Variants in ZNF721 observed in about 807,000 individuals in gnomAD.
The protein encoded by ZNF721 is zinc finger protein 721.
A neutral mutation model predicts 2.4 loss-of-function variants in ZNF721; 2 were observed. The ratio of observed to expected loss-of-function variants is 0.82; its 90% CI spans 0.34 to 2.58. ZNF721 has a LOEUF of 2.58. Among genes scored for constraint, ZNF721 ranks in the 30% most tolerant of loss-of-function variants. ZNF721 has a pLI of 0.11. For missense variants in ZNF721, 1,187 were observed against 1,085.5 expected, an observed-to-expected ratio of 1.09 and a Z score of -1.31; for synonymous variants, 398 against 381.8, an observed-to-expected ratio of 1.04 and a Z score of -0.50.
Position 441,924 on chromosome 4 carries a change from T to C in ZNF721, c.2543A>G (p.Gln848Arg). 1.2e-6 allele frequency: 2 copies of C among 1,613,908 alleles called. No homozygotes were observed. Among genetic ancestry groups the C allele is most frequent in the Non-Finnish European group, 1.7e-6 (2 of 1,179,932 alleles). Residue 848 changes from glutamine to arginine, a missense_variant, in exon 3 of 3, where the codon CAG becomes CGG. By Grantham distance (43) the Gln-to-Arg change is conservative (BLOSUM62 1). Coordinates refer to ENST00000511833, the MANE Select transcript of ZNF721 (RefSeq NM_133474.4). ...CCTATGTACATAAAGGATTGCTGAC[T>C]GTCTAAAGGCTTTGCCACATTCTTC... ...TCEECGKAFR[Q>R]SAILYVHRRI...
chr4:461,087 C>T (rs1553866009), intron 2 of ZNF721, among the ~76,000 whole-genome samples: 1 of 152,166 alleles, frequency 6.6e-6, no homozygotes, highest in African/African-American at 2.4e-5. Context: ...GGACTCCTCC[C>T]TAACTCATTT....
At chr4:459,686 C>T (rs935043655) in intron 2 of ZNF721, among the ~76,000 whole-genome samples, 9 of 151,976 alleles carry the variant, frequency 5.9e-5, no homozygotes, top group Non-Finnish European at 1.0e-4. Flanking sequence ...AAAAAATTAG[C>T]CGGGCGTGGT....
At chr4:488,385 C>T (rs1395562881) in intron 1 of ZNF721, among the ~76,000 whole-genome samples, 1 of 152,184 alleles carries the variant, frequency 6.6e-6, no homozygotes, top group East Asian at 1.9e-4. Context: ...TACAGCCTGA[C>T]AGGTCCAAAG....
chr4:442,551 T>C lies in ZNF721; in HGVS notation c.1916A>G (p.Lys639Arg). 6.2e-7 allele frequency: 1 copy of C among 1,613,936 alleles called. No homozygotes were observed. The highest frequency in any genetic ancestry group is 1.1e-5 in the South Asian group (1 of 91,072). ...NQQKKIYTGE[K>R]PYKCEECGKA... is the part of the protein sequence containing the mutation. ...GCCACACTCTTCACATTTGTAAGGTTTCTCCCCAGTGTAAATTTTCTTCTG... is the reference window on the plus strand; with the variant it reads ...GCCACACTCTTCACATTTGTAAGGTCTCTCCCCAGTGTAAATTTTCTTCTG... Residue 639 changes from lysine to arginine, a missense_variant, in exon 3 of 3, where the codon AAA becomes AGA. Transcript: ENST00000511833.
At chr4:488,486 G>A (rs1328119823) in intron 1 of ZNF721, among the ~76,000 whole-genome samples, 1 of 152,144 alleles carries the variant, frequency 6.6e-6, no homozygotes, top group African/African-American at 2.4e-5. Flanking sequence ...TGAAGACATG[G>A]TGGTCTCTCT....
At chr4:450,703 C>T (rs1553864736) in intron 2 of ZNF721, among the ~76,000 whole-genome samples, 3 of 151,284 alleles carry the variant, frequency 2.0e-5, no homozygotes, top group Non-Finnish European at 2.9e-5. Flanking sequence ...TTTGGGAGGC[C>T]GAGGCAGGCA....
At chr4:475,490 G>T (rs1212767684) in intron 1 of ZNF721, among the ~76,000 whole-genome samples, 2 of 151,896 alleles carry the variant, frequency 1.3e-5, no homozygotes, top group Non-Finnish European at 2.9e-5. Flanking sequence ...ATCTCACTTT[G>T]GTCCTAATCT....
chr4:461,279 G>C (rs530562299), intron 2 of ZNF721, among the ~76,000 whole-genome samples: 2 of 152,218 alleles, frequency 1.3e-5, no homozygotes, highest in South Asian at 2.1e-4. Flanking sequence ...TTCATCCCTA[G>C]CATGAAACAC....
chr4:471,902 T>C (rs912586592), intron 2 of ZNF721, among the ~76,000 whole-genome samples: 7 of 152,216 alleles, frequency 4.6e-5, no homozygotes, highest in African/African-American at 1.7e-4. Flanking sequence ...AATTTTTATT[T>C]AACAGAAAAA....
intron 2 of ZNF721, among the ~76,000 whole-genome samples, chr4:449,802 G>A (rs1379790556): frequency 1.6e-4 from 25 of 152,040 alleles, no homozygotes; most frequent in African/African-American, 5.8e-4. Context: ...TACATGCAAA[G>A]ATGCTCAACA....
chr4:449,030 G>A (rs1553864511), intron 2 of ZNF721, among the ~76,000 whole-genome samples: 1 of 152,114 alleles, frequency 6.6e-6, no homozygotes, highest in African/African-American at 2.4e-5. Flanking sequence ...AAAGTGGTCT[G>A]ACTTTAAAAT....
chr4:445,393 C>T (rs1467836182), intron 2 of ZNF721, among the ~76,000 whole-genome samples: 1 of 152,152 alleles, frequency 6.6e-6, no homozygotes, highest in Non-Finnish European at 1.5e-5. Context: ...TTCCCATAAT[C>T]TCTACCAAAG....
intron 1 of ZNF721, among the ~76,000 whole-genome samples, chr4:497,861 G>C (rs1716297874): frequency 6.6e-6 from 1 of 151,492 alleles, no homozygotes; most frequent in African/African-American, 2.4e-5. Flanking sequence ...TGGTGCCACT[G>C]CACTCCAGGC....
chr4:459,921 A>C (rs782594493), intron 2 of ZNF721, among the ~76,000 whole-genome samples: 5 of 152,196 alleles, frequency 3.3e-5, no homozygotes, highest in Non-Finnish European at 5.9e-5. Flanking sequence ...ATATGCACCC[A>C]ATACAGGAGC....
At chr4:482,455 G>A (rs1222415245) in intron 1 of ZNF721, among the ~76,000 whole-genome samples, 7 of 151,930 alleles carry the variant, frequency 4.6e-5, no homozygotes, top group Non-Finnish European at 5.9e-5. Flanking sequence ...ATGAGCCACC[G>A]CGCCCGGCCC....
At chr4:462,491 G>A (rs1715099754) in intron 2 of ZNF721, among the ~76,000 whole-genome samples, 1 of 152,166 alleles carries the variant, frequency 6.6e-6, no homozygotes, top group African/African-American at 2.4e-5. Flanking sequence ...CAAGATACCT[G>A]ACTTCAAACT....
At chr4:498,726 CTTTT>C (rs1180549953) in intron 1 of ZNF721, among the ~76,000 whole-genome samples, 3 of 132,548 alleles carry the variant, frequency 2.3e-5, no homozygotes, top group Non-Finnish European at 1.6e-5. Context: ...GTTGAATTTT[CTTTT>C]TTTTTTTTTT....
intron 1 of ZNF721, among the ~76,000 whole-genome samples, chr4:489,883 CAG>C (rs1553871248): frequency 1.3e-5 from 2 of 152,040 alleles, no homozygotes; most frequent in Non-Finnish European, 2.9e-5. Flanking sequence ...TTTATTGAGA[CAG>C]AGTCTTGCTC....
chr4:462,614 C>G (rs1232116056), intron 2 of ZNF721, among the ~76,000 whole-genome samples: 2 of 152,208 alleles, frequency 1.3e-5, no homozygotes, highest in Non-Finnish European at 2.9e-5. Context: ...CTACAACCAT[C>G]TGATCTTCGA....
Sources: allele counts gnomAD v4.1 joint callset (sites outside exome capture counted in the v4.1 genomes callset), GRCh38; gene constraint gnomAD v4.1.1; transcripts MANE v1.5; gene names NCBI Gene and HGNC (gene_info 2026-07-23, HGNC 2026-07-21).